The following QTMAN variants were observed in gnomAD, a reference collection of about 807,000 sequenced individuals.
The protein encoded by QTMAN is tRNA-queuosine alpha-mannosyltransferase.
At chr2:144,135,810 G>A in the QTMAN span, among the ~76,000 whole-genome samples, 1 of 152,058 alleles carries the variant, frequency 6.6e-6, no homozygotes, top group South Asian at 2.1e-4. Flanking sequence ...CTGGTTTCCA[G>A]GTATACCTTT....
the QTMAN span, among the ~76,000 whole-genome samples, chr2:143,989,865 A>G: frequency 2.5e-3 from 380 of 152,238 alleles, 6 homozygotes; most frequent in African/African-American, 8.7e-3. Context: ...AGTTTACCAT[A>G]GTTCCCATCT....
At chr2:144,331,973 G>A in the QTMAN span, among the ~76,000 whole-genome samples, 1 of 152,182 alleles carries the variant, frequency 6.6e-6, no homozygotes, top group East Asian at 1.9e-4. Context: ...CCTGGTGGTC[G>A]GCGAAGCACC....
the QTMAN span, among the ~76,000 whole-genome samples, chr2:144,093,367 T>C: frequency 6.6e-6 from 1 of 152,172 alleles, no homozygotes; most frequent in African/African-American, 2.4e-5. Flanking sequence ...TTTAAAAAGG[T>C]AGCAAACTTG....
the QTMAN span, chr2:143,946,446 A>G: frequency 6.6e-6 from 1 of 152,546 alleles, no homozygotes; most frequent in African/African-American, 2.4e-5. Flanking sequence ...TTAATTTGCT[A>G]AAAGAAAAGT....
At chr2:144,194,255 T>C in the QTMAN span, among the ~76,000 whole-genome samples, 2 of 152,202 alleles carry the variant, frequency 1.3e-5, no homozygotes, top group African/African-American at 4.8e-5. Flanking sequence ...TCACAAATCT[T>C]GAAGATAAAA....
the QTMAN span, among the ~76,000 whole-genome samples, chr2:144,143,861 C>T: frequency 6.6e-6 from 1 of 151,914 alleles, no homozygotes; most frequent in Non-Finnish European, 1.5e-5. Context: ...AACTGCCACA[C>T]AGTCCAGAAA....
chr2:143,948,708 C>T, the QTMAN span, among the ~76,000 whole-genome samples: 3 of 151,956 alleles, frequency 2.0e-5, no homozygotes, highest in African/African-American at 7.2e-5. Context: ...AGTAAATTCA[C>T]ATAATATAAT....
chr2:144,163,918 A>AGTTT, the QTMAN span, among the ~76,000 whole-genome samples: 8,125 of 151,552 alleles, frequency 0.054, 671 homozygotes, highest in African/African-American at 0.18. Flanking sequence ...ATTTAGGGAA[A>AGTTT]GTTTGTTTGT....
At chr2:144,290,422 C>T in the QTMAN span, among the ~76,000 whole-genome samples, 1 of 152,194 alleles carries the variant, frequency 6.6e-6, no homozygotes, top group African/African-American at 2.4e-5. Context: ...ATGCCTGGAC[C>T]ATTCCACAAT....
At chr2:144,034,102 T>C in the QTMAN span, among the ~76,000 whole-genome samples, 1 of 152,138 alleles carries the variant, frequency 6.6e-6, no homozygotes, top group Non-Finnish European at 1.5e-5. Flanking sequence ...CTAGGGTGAA[T>C]GGGTGTAAGT....
the QTMAN span, among the ~76,000 whole-genome samples, chr2:144,032,964 GA>G: frequency 9.9e-5 from 15 of 152,142 alleles, no homozygotes; most frequent in East Asian, 2.9e-3. Flanking sequence ...TTAGATTACA[GA>G]AAAATTTCAA....
At chr2:143,947,060 C>G in the QTMAN span, 2 of 1,612,152 alleles carry the variant, frequency 1.2e-6, no homozygotes, top group Non-Finnish European at 1.7e-6. Context: ...TGTCACAAAT[C>G]TTCCCTAGGT....
At chr2:144,296,418 T>C in the QTMAN span, among the ~76,000 whole-genome samples, 1 of 152,200 alleles carries the variant, frequency 6.6e-6, no homozygotes, top group African/African-American at 2.4e-5. Flanking sequence ...ACATTTAGTG[T>C]AGTATTTTAT....
chr2:144,108,026 C>T, the QTMAN span, among the ~76,000 whole-genome samples: 1 of 152,164 alleles, frequency 6.6e-6, no homozygotes, highest in Non-Finnish European at 1.5e-5. Context: ...TCAATAGATG[C>T]AGAAAAGGCC....
the QTMAN span, among the ~76,000 whole-genome samples, chr2:144,308,403 G>A: frequency 6.6e-6 from 1 of 151,966 alleles, no homozygotes; most frequent in Non-Finnish European, 1.5e-5. Flanking sequence ...CTGACCTTGT[G>A]ATCCACCCAC....
the QTMAN span, among the ~76,000 whole-genome samples, chr2:144,077,329 G>A: frequency 6.6e-6 from 1 of 152,166 alleles, no homozygotes; most frequent in Non-Finnish European, 1.5e-5. Flanking sequence ...AACTCCAAAA[G>A]TTAGATAGAC....
chr2:144,239,002 C>G, the QTMAN span, among the ~76,000 whole-genome samples: 1 of 151,942 alleles, frequency 6.6e-6, no homozygotes, highest in East Asian at 2.0e-4. Flanking sequence ...CCCACCTTCA[C>G]ACATCATCAT....
At chr2:143,947,723 A>C in the QTMAN span, among the ~76,000 whole-genome samples, 4 of 152,340 alleles carry the variant, frequency 2.6e-5, no homozygotes, top group East Asian at 7.7e-4. Context: ...CAGGTTGCAA[A>C]TGAGTAGCAG....
chr2:144,102,331 T>G, the QTMAN span, among the ~76,000 whole-genome samples: 1 of 152,234 alleles, frequency 6.6e-6, no homozygotes, highest in South Asian at 2.1e-4. Context: ...CATCAAATAC[T>G]TTCTATAAAG....
Sources: allele counts gnomAD v4.1 joint callset (sites outside exome capture counted in the v4.1 genomes callset), GRCh38; gene constraint gnomAD v4.1.1; transcripts MANE v1.5; gene names NCBI Gene and HGNC (gene_info 2026-07-23, HGNC 2026-07-21).